Variants in MAEA observed in about 807,000 individuals in gnomAD.
MAEA encodes E3 ubiquitin-protein transferase MAEA.
In MAEA, 22 loss-of-function variants were observed where a neutral mutation model predicts 46.2. The ratio of observed to expected loss-of-function variants is 0.48; its 90% confidence interval spans 0.34 to 0.68. The LOEUF (loss-of-function observed/expected upper bound fraction) is 0.68. Among genes scored for constraint, MAEA ranks in the 30% least tolerant of loss-of-function variants. MAEA has a pLI of 0.01. For missense variants in MAEA, 393 were observed against 558.1 expected (o/e 0.70, Z 2.98); for synonymous variants, 246 against 222.6 (o/e 1.11, Z -0.94).
chr4:1,327,596 G>A (rs1214764547), intron 4 of MAEA, 31 bp from the exon 5 acceptor site: 6 of 1,574,388 alleles, frequency 3.8e-6, no homozygotes, highest in East Asian at 2.2e-5. Flanking sequence ...GGGATGTGCT[G>A]TCTAAGCCCT....
At chr4:1,328,760 C>A in intron 5 of MAEA, 1 of 1,168,974 alleles carries the variant, frequency 8.6e-7, no homozygotes, top group Non-Finnish European at 1.1e-6. Flanking sequence ...TTGCGTGGAC[C>A]CTGGAGAGGC....
intron 2 of MAEA, among the ~76,000 whole-genome samples, chr4:1,315,126 T>TGGCA (rs1464266636): frequency 6.6e-6 from 1 of 152,234 alleles, no homozygotes; most frequent in East Asian, 1.9e-4. Context: ...TGTATGCATC[T>TGGCA]GGCAACATGG....
chr4:1,333,930 AC>A (rs1712270352), intron 6 of MAEA, among the ~76,000 whole-genome samples: 1 of 17,936 alleles, frequency 5.6e-5, no homozygotes, highest in Non-Finnish European at 1.1e-4. Context: ...CCCCATGCCC[AC>A]TCCCGTGCCC....
At chr4:1,303,399 CA>C (rs575075038) in intron 1 of MAEA, among the ~76,000 whole-genome samples, 2 of 116,564 alleles carry the variant, frequency 1.7e-5, no homozygotes. Context: ...GACTCTGTCT[CA>C]AAAAAAAAAA....
intron 5 of MAEA, 169 bp from the exon 6 acceptor site, chr4:1,332,588 A>G: frequency 1.8e-6 from 1 of 560,314 alleles, no homozygotes; most frequent in Non-Finnish European, 3.3e-6. Context: ...GTGGTGCTGC[A>G]CATCTGCGGT....
At chr4:1,325,727 C>T (rs967195783) in intron 4 of MAEA, among the ~76,000 whole-genome samples, 2 of 151,964 alleles carry the variant, frequency 1.3e-5, no homozygotes, top group Non-Finnish European at 2.9e-5. Context: ...CCCTTCCTCT[C>T]CTGCCAGGCT....
At chr4:1,297,454 C>CGTGT (rs368069067) in intron 1 of MAEA, among the ~76,000 whole-genome samples, 14 of 150,594 alleles carry the variant, frequency 9.3e-5, no homozygotes, top group Admixed American at 2.6e-4. Flanking sequence ...TGAAAAAGTA[C>CGTGT]GTGCGTATGT....
intron 3 of MAEA, among the ~76,000 whole-genome samples, chr4:1,316,665 T>G (rs1737214999): frequency 6.6e-6 from 1 of 152,088 alleles, no homozygotes; most frequent in African/African-American, 2.4e-5. Flanking sequence ...TTCCACGGCT[T>G]AAATCCCACC....
At position 1,338,622 on chromosome 4, in the gene MAEA, G is replaced by T. The variant is rs1713113280; in HGVS notation, c.1095+5G>T. 1.3e-6 allele frequency: 2 copies of T among 1,597,672 alleles called. No homozygotes were observed. The highest frequency in any genetic ancestry group is 1.7e-6 in the Non-Finnish European group (2 of 1,172,546). Reference sequence around the variant, plus strand: ...GGCTACGTCTACGGCTACAATGTGAGGGGGGCAGGGCAGGGGGGCCAGGCT... The same window carrying T: ...GGCTACGTCTACGGCTACAATGTGATGGGGGCAGGGCAGGGGGGCCAGGCT... On this transcript the variant is annotated splice_donor_5th_base_variant and intron_variant, in intron 8 of 8. Transcript: ENST00000303400.
intron 1 of MAEA, chr4:1,297,875 C>T (rs1374750193): frequency 2.4e-6 from 1 of 411,752 alleles, no homozygotes; most frequent in African/African-American, 2.0e-5. Flanking sequence ...TGGTCAGCCT[C>T]TTGCGTTTCC....
chr4:1,327,992 C>T (rs986456684), intron 5 of MAEA, among the ~76,000 whole-genome samples: 4 of 152,244 alleles, frequency 2.6e-5, no homozygotes, highest in Middle Eastern at 3.2e-3. Context: ...CGACCGTCCA[C>T]GTAAAACACG....
chr4:1,305,381 G>A (rs7666876), intron 1 of MAEA, among the ~76,000 whole-genome samples: 9 of 152,090 alleles, frequency 5.9e-5, no homozygotes, highest in Admixed American at 2.0e-4. Flanking sequence ...GCGGCCCTCC[G>A]TCTGATTGCT....
chr4:1,329,540 A>G (rs1241768205), intron 5 of MAEA: 1 of 984,826 alleles, frequency 1.0e-6, no homozygotes, highest in African/African-American at 1.8e-5. Flanking sequence ...AGGCATGGCA[A>G]ACAACACCCC....
At chr4:1,291,974 G>T (rs1349925876) in intron 1 of MAEA, among the ~76,000 whole-genome samples, 2 of 152,178 alleles carry the variant, frequency 1.3e-5, no homozygotes, top group Non-Finnish European at 2.9e-5. Flanking sequence ...GAGGTGTTTT[G>T]CTGGGAAACT....
In MAEA at chr4:1,309,361, C is replaced by A. The variant is rs562747554; in HGVS notation, c.70-2618C>A. On this transcript the variant is annotated intron_variant, in intron 1 of 8. Transcript: ENST00000303400. ...GAAGGGGCTCTTGCTAACCAGCCAG[C>A]CCAGGCCAGTGGAGGGGAGCTTTTA... 6.0e-6 allele frequency: 7 copies of A among 1,160,438 alleles called. No individual in the cohort carries two copies. In the East Asian group the frequency reaches 1.3e-4, roughly 22 times the overall value. 71.9% of individuals were successfully genotyped at this position (1,160,438 alleles called of 1,614,324 possible). A position where few individuals can be genotyped will look rare whatever the true frequency, so the allele number is the denominator to read the frequency against.
intron 3 of MAEA, among the ~76,000 whole-genome samples, chr4:1,320,513 C>T (rs931708401): frequency 8.3e-5 from 12 of 145,298 alleles, no homozygotes; most frequent in South Asian, 2.2e-4. Flanking sequence ...TGCAAGAAAA[C>T]GCTATGAAGG....
chr4:1,304,074 G>C (rs1417430513), intron 1 of MAEA, among the ~76,000 whole-genome samples: 1 of 152,016 alleles, frequency 6.6e-6, no homozygotes, highest in Non-Finnish European at 1.5e-5. Flanking sequence ...TGTAGCTCCC[G>C]TCAAACCCCA....
At chr4:1,307,732 T>A (rs1483097240) in intron 1 of MAEA, among the ~76,000 whole-genome samples, 1 of 152,024 alleles carries the variant, frequency 6.6e-6, no homozygotes, top group Non-Finnish European at 1.5e-5. Flanking sequence ...AGTCCCAACA[T>A]CCAAAGGCCA....
chr4:1,324,832 G>A (rs541717070), intron 4 of MAEA, among the ~76,000 whole-genome samples: 1 of 149,424 alleles, frequency 6.7e-6, no homozygotes, highest in Admixed American at 6.7e-5. Flanking sequence ...CCTGGTGGAT[G>A]AGCGTGCCTG....
Sources: gnomAD v4.1 joint callset for allele counts (sites outside exome capture counted in the v4.1 genomes callset) on GRCh38, gnomAD v4.1.1 for gene constraint, MANE v1.5 for transcripts, NCBI Gene and HGNC (gene_info 2026-07-23, HGNC 2026-07-21) for gene names.